SRRM3: variants seen among roughly 807,000 people sequenced by gnomAD.
SRRM3 encodes the protein serine/arginine repetitive matrix protein 3.
A neutral mutation model predicts 66.2 loss-of-function variants in SRRM3; 27 were observed. The ratio of observed to expected loss-of-function variants is 0.41; its 90% CI spans 0.30 to 0.56. The LOEUF (loss-of-function observed/expected upper bound fraction) is 0.56. SRRM3 is among the 20% of genes least tolerant of loss of function. SRRM3 has a pLI of 0.32. For missense variants in SRRM3, 918 were observed against 991.9 expected (o/e 0.93, Z 1.00); for synonymous variants, 391 against 414.9 (o/e 0.94, Z 0.70).
At chr7:76,232,823 A>G (rs1554604351) in intron 1 of SRRM3, among the ~76,000 whole-genome samples, 1 of 152,072 alleles carries the variant, frequency 6.6e-6, no homozygotes, top group Non-Finnish European at 1.5e-5. Flanking sequence ...GAGGCTGCTA[A>G]CCAGGGCATG....
At chr7:76,272,635 G>T (rs782017884) in intron 11 of SRRM3, among the ~76,000 whole-genome samples, 5 of 152,058 alleles carry the variant, frequency 3.3e-5, no homozygotes, top group African/African-American at 4.8e-5. Flanking sequence ...CTGGGTGACA[G>T]AGCGAGACTC....
chr7:76,250,029 A>G (rs1184127674), intron 3 of SRRM3, among the ~76,000 whole-genome samples: 1 of 138,704 alleles, frequency 7.2e-6, no homozygotes, highest in Non-Finnish European at 1.6e-5. Flanking sequence ...ATCTTTATTT[A>G]TTTATTTATT....
At chr7:76,265,222 T>C (rs1356484978) in intron 9 of SRRM3, 142 bp from the exon 10 acceptor site, 1 of 583,326 alleles carries the variant, frequency 1.7e-6, no homozygotes. Flanking sequence ...GTACCTTTTA[T>C]AGGAGACTTT....
intron 1 of SRRM3, among the ~76,000 whole-genome samples, chr7:76,221,948 C>A (rs552590575): frequency 9.2e-5 from 14 of 152,300 alleles, no homozygotes; most frequent in African/African-American, 3.4e-4. Flanking sequence ...TACTCCTTAC[C>A]CTGAGGTGCG....
chr7:76,247,824 A>G (rs1417473914), intron 2 of SRRM3, among the ~76,000 whole-genome samples: 3 of 152,056 alleles, frequency 2.0e-5, no homozygotes, highest in African/African-American at 7.2e-5. Context: ...CCTCCTGAGT[A>G]GCGGGGATTG....
chr7:76,218,769 C>A (rs960110641), intron 1 of SRRM3, among the ~76,000 whole-genome samples: 2 of 145,776 alleles, frequency 1.4e-5, no homozygotes, highest in Non-Finnish European at 3.0e-5. Flanking sequence ...ACCTCTGCTT[C>A]CCGGGTTCAA....
At position 76,267,404 on chromosome 7, in the gene SRRM3, G is replaced by A. The variant is rs543973203; in HGVS notation, c.977G>A (p.Gly326Asp). The A allele has an allele frequency of 7.9e-5, 110 of 1,390,208 alleles. No homozygotes were observed. In the East Asian group the frequency reaches 3.4e-3, roughly 43 times the overall value. 86.1% of individuals were successfully genotyped at this position (1,390,208 alleles called of 1,614,324 possible). Residue 326 changes from glycine to aspartate, a missense_variant, in exon 11 of 15, where the codon GGC becomes GAC. Coordinates refer to ENST00000611745, the MANE Select transcript of SRRM3 (RefSeq NM_001110199.3). ...GGGCAGCGGAGCGGAGCGCACGGGG[G>A]CCGCCCCGGCTCGGCGCACAGCCCG... ...GSGQRSGAHG[G>D]RPGSAHSPPD...
At chr7:76,257,372 T>TA (rs1351620407) in intron 3 of SRRM3, among the ~76,000 whole-genome samples, 3 of 136,628 alleles carry the variant, frequency 2.2e-5, no homozygotes, top group Non-Finnish European at 3.1e-5. Context: ...CCAGCTTGGA[T>TA]AAAAAATGGA....
At chr7:76,217,066 C>A (rs1406809236) in intron 1 of SRRM3, among the ~76,000 whole-genome samples, 1 of 152,176 alleles carries the variant, frequency 6.6e-6, no homozygotes, top group East Asian at 1.9e-4. Flanking sequence ...GTGGAAGGGG[C>A]CGGACTGTCT....
chr7:76,248,603 G>A (rs1801498626), intron 3 of SRRM3, among the ~76,000 whole-genome samples: 1 of 152,180 alleles, frequency 6.6e-6, no homozygotes, highest in South Asian at 2.1e-4. Flanking sequence ...CAAATCGGAA[G>A]ACCTCAGATA....
intron 1 of SRRM3, among the ~76,000 whole-genome samples, chr7:76,203,337 T>C (rs943590303): frequency 2.6e-5 from 4 of 152,180 alleles, no homozygotes; most frequent in African/African-American, 7.2e-5. Context: ...AGACATGGGA[T>C]CAAATCTAGG....
intron 1 of SRRM3, among the ~76,000 whole-genome samples, chr7:76,209,352 T>A (rs1164722544): frequency 6.6e-6 from 1 of 152,026 alleles, no homozygotes; most frequent in Non-Finnish European, 1.5e-5. Context: ...TCGTCCAAAG[T>A]GATATGGAGC....
intron 3 of SRRM3, among the ~76,000 whole-genome samples, chr7:76,256,361 G>T (rs1422211938): frequency 2.6e-5 from 4 of 151,940 alleles, no homozygotes; most frequent in Non-Finnish European, 4.4e-5. Context: ...ACAAAAATTG[G>T]CCGGGCGTGG....
intron 10 of SRRM3, among the ~76,000 whole-genome samples, chr7:76,266,266 A>ATATATTTAATATATTTG (rs1554609621): frequency 4.4e-4 from 53 of 119,394 alleles, no homozygotes; most frequent in Non-Finnish European, 5.8e-4. Flanking sequence ...TAATATATTT[A>ATATATTTAATATATTTG]TATTTAATTA....
intron 3 of SRRM3, among the ~76,000 whole-genome samples, chr7:76,259,439 TA>T (rs1801798717): frequency 6.6e-6 from 1 of 151,376 alleles, no homozygotes; most frequent in Non-Finnish European, 1.5e-5. Context: ...TTAGCCAGGG[TA>T]GGGGTCCACG....
In SRRM3 at chr7:76,234,132, G is replaced by T. The variant is rs536998013; in HGVS notation, c.-39-896G>T. On this transcript the variant is annotated intron_variant, in intron 1 of 14. Transcript: ENST00000611745. The stretch of plus-strand genomic sequence containing the variant: ...GTTGCTTAGCAACTAGCAGATCCTT[G>T]GAGAAAGGAAATGGAAATAGCTCAA... Among the ~76,000 whole-genome samples the T allele has an allele frequency of 8.9e-4, 130 of 146,658 alleles. 1 individual carries two copies. The highest frequency in any genetic ancestry group is 1.5e-3 in the Non-Finnish European group (98 of 66,900).
intron 14 of SRRM3, among the ~76,000 whole-genome samples, chr7:76,284,944 C>T (rs372296360): frequency 3.3e-4 from 51 of 152,250 alleles, no homozygotes; most frequent in Admixed American, 1.0e-3. Flanking sequence ...CTGAAAGCAA[C>T]AAATTCCTTG....
rs782465289 is a variant in SRRM3, at chr7:76,283,151, C to G, written c.1733+50C>G. On this transcript the variant is annotated intron_variant, in intron 14 of 14. Transcript: ENST00000611745. ...GTGGCGCAGGGCTGGGGCCGCTGAC[C>G]CGGATCAGGGACAGAGACCTCGGCC... 6.6e-6 allele frequency: 9 copies of G among 1,358,388 alleles called. No individual in the cohort carries two copies. The South Asian group carries it at 1.4e-4, about 21-fold the overall frequency. 84.1% of individuals were successfully genotyped at this position (1,358,388 alleles called of 1,614,324 possible). A position where few individuals can be genotyped will look rare whatever the true frequency, so the allele number is the denominator to read the frequency against.
chr7:76,253,273 G>A (rs1402244272), intron 3 of SRRM3, among the ~76,000 whole-genome samples: 2 of 152,100 alleles, frequency 1.3e-5, no homozygotes, highest in Non-Finnish European at 2.9e-5. Context: ...GATCACCTGA[G>A]TTTGGGAGTT....
Sources: gnomAD v4.1 joint callset for allele counts (sites outside exome capture counted in the v4.1 genomes callset) on GRCh38, gnomAD v4.1.1 for gene constraint, MANE v1.5 for transcripts, NCBI Gene and HGNC (gene_info 2026-07-23, HGNC 2026-07-21) for gene names.